Variants in ACKR3 observed in about 807,000 individuals in gnomAD.
ACKR3 encodes the protein C-X-C chemokine receptor type 7.
Under a neutral mutation model 22.4 loss-of-function variants are expected in ACKR3, and 6 were observed. The observed-to-expected ratio is 0.27, with a 90% CI of 0.15 to 0.53. The LOEUF is 0.53. Among genes scored for constraint, ACKR3 ranks in the 20% least tolerant of loss-of-function variants. The pLI, the probability that ACKR3 is intolerant of heterozygous loss-of-function variation, is 0.96. For synonymous variants in ACKR3, 209 were observed against 205.2 expected, an observed-to-expected ratio of 1.02 and a Z score of -0.16; for missense variants, 396 against 475.2, an observed-to-expected ratio of 0.83 and a Z score of 1.55.
At chr2:236,569,446 G>C (rs944592668), upstream of ACKR3, among the ~76,000 whole-genome samples, 7 of 152,240 alleles carry the variant, frequency 4.6e-5, no homozygotes, top group African/African-American at 1.2e-4. Context: ...AGAGCGAAGA[G>C]GCATTCACAG....
At chr2:236,570,548 C>T (rs879414856) in intron 1 of ACKR3, among the ~76,000 whole-genome samples, 1 of 152,234 alleles carries the variant, frequency 6.6e-6, no homozygotes, top group African/African-American at 2.4e-5. Flanking sequence ...GTCTTCTCTT[C>T]TCTTGATGGC....
chr2:236,580,412 CT>C, intron 1 of ACKR3, 27 bp from the exon 2 acceptor site: 11 of 1,556,868 alleles, frequency 7.1e-6, no homozygotes, highest in Non-Finnish European at 7.0e-6. Flanking sequence ...CCTCTTCCAT[CT>C]TTTTTGTTTG....
At chr2:236,548,091 GT>G in the ACKR3 span, among the ~76,000 whole-genome samples, 1 of 151,614 alleles carries the variant, frequency 6.6e-6, no homozygotes, top group Non-Finnish European at 1.5e-5. The surrounding 1 kb of genome is among the most constrained non-coding windows in gnomAD (Gnocchi z 4.3). Context: ...CCATGTCTAT[GT>G]TTTTTTCTAC....
In ACKR3 at chr2:236,577,926, G is replaced by A. The variant is rs1312831165; in HGVS notation, c.-26-2514G>A. 4.6e-5 allele frequency among the ~76,000 whole-genome samples: 7 copies of A among 152,194 alleles called. No individual in the cohort carries two copies. The highest frequency in any genetic ancestry group is 2.0e-4 in the Admixed American group (3 of 15,286). On this transcript the variant is annotated intron_variant, in intron 1 of 1. Coordinates refer to ENST00000272928, the MANE Select transcript of ACKR3 (RefSeq NM_020311.3). This position sits in a 1 kb window ranked among gnomAD's most constrained non-coding sequence, Gnocchi z 5.6. ...CCCTGCTGCTGCCCAGCTGTGGGGC[G>A]GTCCTCCATTCAAGCTCCTCTGCTC...
the ACKR3 span, among the ~76,000 whole-genome samples, chr2:236,553,412 T>C: frequency 6.6e-6 from 1 of 152,176 alleles, no homozygotes; most frequent in African/African-American, 2.4e-5. Flanking sequence ...CTCTTTAATT[T>C]TGCTTGAGGC....
chr2:236,562,830 C>T (rs771930045), upstream of ACKR3, among the ~76,000 whole-genome samples: 1 of 152,110 alleles, frequency 6.6e-6, no homozygotes, highest in Non-Finnish European at 1.5e-5. Flanking sequence ...AGGAGCTTCA[C>T]GTGCAATGGG....
At chr2:236,555,344 C>T in the ACKR3 span, among the ~76,000 whole-genome samples, 1 of 152,176 alleles carries the variant, frequency 6.6e-6, no homozygotes, top group Non-Finnish European at 1.5e-5. Context: ...GAATATCTCC[C>T]CTCAAAAACT....
At chr2:236,562,809 G>C (rs947467621), upstream of ACKR3, among the ~76,000 whole-genome samples, 2 of 152,182 alleles carry the variant, frequency 1.3e-5, no homozygotes, top group African/African-American at 2.4e-5. Context: ...GCATTATGAG[G>C]CGGGTGTGGG....
At chr2:236,573,596 G>T (rs1403101941) in intron 1 of ACKR3, among the ~76,000 whole-genome samples, 1 of 152,232 alleles carries the variant, frequency 6.6e-6, no homozygotes, top group Non-Finnish European at 1.5e-5. Flanking sequence ...GTCCTGCAGG[G>T]CCCAGATGGC....
chr2:236,543,941 G>GTGTA, the ACKR3 span, among the ~76,000 whole-genome samples: 2 of 57,760 alleles, frequency 3.5e-5, no homozygotes, highest in Non-Finnish European at 8.8e-5. Context: ...TGGGAGAAGG[G>GTGTA]TATATATATA....
At chr2:236,538,976 A>G in the ACKR3 span, among the ~76,000 whole-genome samples, 10 of 152,208 alleles carry the variant, frequency 6.6e-5, no homozygotes, top group Admixed American at 3.3e-4. Context: ...AGGGCTATAG[A>G]TTGTGCTCTC....
At chr2:236,555,384 T>A in the ACKR3 span, among the ~76,000 whole-genome samples, 1 of 152,180 alleles carries the variant, frequency 6.6e-6, no homozygotes, top group Non-Finnish European at 1.5e-5. Context: ...TAGTGCAAAA[T>A]GGAGCAGGAC....
intron 1 of ACKR3, among the ~76,000 whole-genome samples, chr2:236,580,208 G>A (rs1352258019): frequency 2.0e-5 from 3 of 152,254 alleles, no homozygotes; most frequent in African/African-American, 7.2e-5. Context: ...AGCAAACACA[G>A]TTTCTGTCTT....
intron 1 of ACKR3, among the ~76,000 whole-genome samples, chr2:236,575,579 TG>T (rs1283033877): frequency 4.2e-5 from 5 of 120,380 alleles, no homozygotes; most frequent in Admixed American, 7.6e-5. Flanking sequence ...GGGGTTGTGC[TG>T]TGTGTGCGTG....
At position 236,581,498 on chromosome 2, in the gene ACKR3, G is replaced by C. The variant is rs1004885299; in HGVS notation, c.1033G>C (p.Asp345His). The C allele has an allele frequency of 6.2e-7, 1 of 1,614,154 alleles. No homozygotes were observed. The change falls in exon 2 of 2, where the codon GAT becomes CAT. Residue 345 changes from aspartate (D) to histidine (H), a missense_variant. Coordinates refer to ENST00000272928, the MANE Select transcript of ACKR3 (RefSeq NM_020311.3). This position sits in a 1 kb window ranked among gnomAD's most constrained non-coding sequence, Gnocchi z 4.4. The stretch of plus-strand genomic sequence containing the variant: ...CAAAACAGGGCTCACCAAGCTCATC[G>C]ATGCCTCCAGAGTCTCAGAGACGGA... ...SAKTGLTKLI[D>H]ASRVSETEYS...
chr2:236,540,745 G>A, the ACKR3 span, among the ~76,000 whole-genome samples: 1 of 152,102 alleles, frequency 6.6e-6, no homozygotes, highest in Non-Finnish European at 1.5e-5. Flanking sequence ...ATTTACTGAA[G>A]AGACCACCCT....
At chr2:236,563,818 ACTGT>A (rs1399286207), upstream of ACKR3, among the ~76,000 whole-genome samples, 1 of 152,050 alleles carries the variant, frequency 6.6e-6, no homozygotes, top group Non-Finnish European at 1.5e-5. Context: ...CCCTTGAGAG[ACTGT>A]CTGTAGGTGG....
At chr2:236,556,153 C>T in the ACKR3 span, among the ~76,000 whole-genome samples, 6 of 152,040 alleles carry the variant, frequency 3.9e-5, no homozygotes, top group Non-Finnish European at 8.8e-5. Context: ...ATCACCCAGT[C>T]GGGGTATCAG....
At chr2:236,560,041 C>T in the ACKR3 span, among the ~76,000 whole-genome samples, 4 of 152,338 alleles carry the variant, frequency 2.6e-5, no homozygotes, top group African/African-American at 9.6e-5. Context: ...TTAAAATCAA[C>T]TTGCCAATTA....
Sources: allele counts gnomAD v4.1 joint callset (sites outside exome capture counted in the v4.1 genomes callset), GRCh38; gene constraint gnomAD v4.1.1; non-coding constraint Gnocchi (gnomAD v3.1); transcripts MANE v1.5; gene names NCBI Gene and HGNC (gene_info 2026-07-23, HGNC 2026-07-21).